TSC22D1: variants seen among roughly 807,000 people sequenced by gnomAD.
TSC22D1 encodes TSC22 domain family protein 1.
A neutral mutation model predicts 74.2 loss-of-function variants in TSC22D1; 9 were observed. The observed-to-expected ratio is 0.12, with a 90% CI of 0.07 to 0.21. The LOEUF (loss-of-function observed/expected upper bound fraction) is 0.21. Among genes scored for constraint, TSC22D1 ranks in the 10% least tolerant of loss-of-function variants. The pLI is 1.00. For missense variants in TSC22D1, 1,427 were observed against 1,304.7 expected, an observed-to-expected ratio of 1.09 and a Z score of -1.44; for synonymous variants, 586 against 492.5, an observed-to-expected ratio of 1.19 and a Z score of -2.51.
At chr13:44,561,012 G>A (rs1201858497) in intron 1 of TSC22D1, among the ~76,000 whole-genome samples, 1 of 152,078 alleles carries the variant, frequency 6.6e-6, no homozygotes, top group Non-Finnish European at 1.5e-5. Flanking sequence ...GAGACTTAAT[G>A]GAAGTCCAAA....
chr13:44,489,243 A>C (rs544364381), intron 1 of TSC22D1, among the ~76,000 whole-genome samples: 1 of 151,774 alleles, frequency 6.6e-6, no homozygotes, highest in East Asian at 1.9e-4. Context: ...TTATAGCTCT[A>C]ACTGTGAAAG....
In TSC22D1 at chr13:44,574,087, A is replaced by G; in HGVS notation, c.1988T>C (p.Leu663Pro). The G allele has an allele frequency of 6.2e-7, 1 of 1,614,232 alleles. No individual in the cohort carries two copies. Among genetic ancestry groups the G allele is most frequent in the Non-Finnish European group, 8.5e-7 (1 of 1,180,044 alleles). ...ASEYVQQQPI[L>P]QTAMSSGQPS... ...CTGTCCGGAGGACATTGCTGTTTGA[A>G]GAATTGGCTGCTGTTGTACATACTC... Residue 663 changes from leucine to proline, a missense_variant, in exon 1 of 3, where the codon CTT becomes CCT. Leu to Pro is a moderately conservative substitution (Grantham distance 98, BLOSUM62 -3). This residue lies in a region of TSC22D1 where 1,343 missense variants were observed against 1,191.5 expected (regional missense o/e 1.13). Transcript: ENST00000458659.
In TSC22D1 at chr13:44,434,824, C is replaced by T; in HGVS notation, c.3024G>A (p.Glu1008=). The T allele has an allele frequency of 6.2e-7, 1 of 1,614,024 alleles. No individual in the cohort carries two copies. Among genetic ancestry groups the T allele is most frequent in the Non-Finnish European group, 8.5e-7 (1 of 1,180,028 alleles). ...TTTTCTCTATTAGTTCTTTGATTTG[C>T]TCTTTGAGGACCTCCACTTCTTCTC... ...AVREEVEVLK[E]QIKELIEKNS... is the part of the protein sequence containing the mutation. Residue 1008 remains glutamate (E), a synonymous_variant, in exon 3 of 3, where the codon GAG becomes GAA. Transcript: ENST00000458659.
chr13:44,500,827 G>T (rs547330443), intron 1 of TSC22D1, among the ~76,000 whole-genome samples: 6 of 152,282 alleles, frequency 3.9e-5, no homozygotes, highest in Admixed American at 3.3e-4. Flanking sequence ...TGGGACTACA[G>T]ATGCACACCA....
rs750373070 is a variant in TSC22D1 at position 44,573,407 on chromosome 13, T to C, written c.2668A>G (p.Ile890Val). The C allele has an allele frequency of 6.8e-6, 11 of 1,614,250 alleles. No individual in the cohort carries two copies. The highest frequency in any genetic ancestry group is 9.3e-6 in the Non-Finnish European group (11 of 1,180,046). ...TNTNLPLAQQ[I>V]PLSSTQFSAQ... ...GAGAACTGGGTAGAACTTAGTGGTA[T>C]CTGTTGTGCCAAAGGCAAATTTGTA... The change falls in exon 1 of 3, where the codon ATA becomes GTA. Residue 890 changes from isoleucine to valine, a missense_variant. Coordinates refer to ENST00000458659, the MANE Select transcript of TSC22D1 (RefSeq NM_183422.4).
intron 1 of TSC22D1, among the ~76,000 whole-genome samples, chr13:44,514,946 C>T (rs1879907863): frequency 6.6e-6 from 1 of 151,986 alleles, no homozygotes; most frequent in African/African-American, 2.4e-5. Context: ...CAGTATTAAC[C>T]TAATAGATAA....
intron 1 of TSC22D1, among the ~76,000 whole-genome samples, chr13:44,541,230 C>T (rs1881450116): frequency 6.6e-6 from 1 of 152,156 alleles, no homozygotes; most frequent in Non-Finnish European, 1.5e-5. Flanking sequence ...GCTCTGCCAG[C>T]CAGTTTGGAA....
At chr13:44,440,993 G>A (rs1435707855) in intron 1 of TSC22D1, among the ~76,000 whole-genome samples, 1 of 152,182 alleles carries the variant, frequency 6.6e-6, no homozygotes, top group Non-Finnish European at 1.5e-5. Flanking sequence ...TCTTTACTTG[G>A]CCAAATCATC....
intron 1 of TSC22D1, chr13:44,539,695 C>T (rs1881352168): frequency 8.4e-7 from 1 of 1,183,494 alleles, no homozygotes; most frequent in Admixed American, 3.5e-5. Flanking sequence ...GAGTTTACCA[C>T]AGAATTAAAT....
intron 1 of TSC22D1, among the ~76,000 whole-genome samples, chr13:44,460,660 G>T (rs1346838795): frequency 2.0e-5 from 3 of 152,140 alleles, no homozygotes; most frequent in Non-Finnish European, 2.9e-5. Flanking sequence ...ATGGAGGGAG[G>T]CCCCATCCGC....
At chr13:44,537,036 A>T (rs976090731) in intron 1 of TSC22D1, 13 of 966,798 alleles carry the variant, frequency 1.3e-5, no homozygotes, top group African/African-American at 1.8e-5. Flanking sequence ...AAATACATTT[A>T]AAAATACTGT....
Position 44,434,442 on chromosome 13 carries a change from A to G in TSC22D1, c.*184T>C. 7.4e-7 allele frequency: 1 copy of G among 1,355,950 alleles called. No homozygotes were observed. The highest frequency in any genetic ancestry group is 9.4e-7 in the Non-Finnish European group (1 of 1,062,230). 84.0% of individuals were successfully genotyped at this position (1,355,950 alleles called of 1,614,324 possible). ...AACCTTTAATTCACCCAACTAAGAA[A>G]TTTCTCCAAGCCATAAGCATATGAG... On this transcript the variant is annotated 3_prime_UTR_variant, in exon 3 of 3. Coordinates refer to ENST00000458659, the MANE Select transcript of TSC22D1 (RefSeq NM_183422.4).
Position 44,573,405 on chromosome 13 carries a change from T to C in TSC22D1, c.2670A>G (p.Ile890Met), listed in dbSNP as rs1465129143. 1.9e-6 allele frequency: 3 copies of C among 1,614,252 alleles called. No individual in the cohort carries two copies. Among genetic ancestry groups the C allele is most frequent in the Non-Finnish European group, 1.7e-6 (2 of 1,180,052 alleles). The change falls in exon 1 of 3, where the codon ATA (isoleucine) becomes ATG (methionine). Residue 890 changes from isoleucine (I) to methionine (M), a missense_variant. Physicochemically the swap from Ile to Met is conservative, Grantham distance 10 (BLOSUM62 1). Around this residue, in one of 3 missense-constraint regions of TSC22D1, gnomAD observed 1,343 missense variants for 1,191.5 expected, o/e 1.13. Coordinates refer to ENST00000458659, the MANE Select transcript of TSC22D1 (RefSeq NM_183422.4). ...TNTNLPLAQQ[I>M]PLSSTQFSAQ... ...CGGAGAACTGGGTAGAACTTAGTGG[T>C]ATCTGTTGTGCCAAAGGCAAATTTG...
In TSC22D1 at chr13:44,434,665, G is replaced by T. The variant is rs150675770; in HGVS notation, c.3183C>A (p.Pro1061=). 1.9e-6 allele frequency: 3 copies of T among 1,596,164 alleles called. No homozygotes were observed. In the African/African-American group the frequency reaches 4.0e-5, roughly 21 times the overall value. The part of the protein sequence containing the change: ...TTQPQGTTQP[P]AQPASQGSGP... ...CTGAGCCCTGCGATGCTGGCTGGGCGGGGGGCTGTGTGGTGCCCTGTGGCT... is the reference window on the plus strand; with the variant it reads ...CTGAGCCCTGCGATGCTGGCTGGGCTGGGGGCTGTGTGGTGCCCTGTGGCT... The change falls in exon 3 of 3, where the codon CCC becomes CCA. Residue 1061 remains proline, a synonymous_variant. Coordinates refer to ENST00000458659, the MANE Select transcript of TSC22D1 (RefSeq NM_183422.4).
chr13:44,465,886 T>A (rs530261754), intron 1 of TSC22D1, among the ~76,000 whole-genome samples: 1 of 152,194 alleles, frequency 6.6e-6, no homozygotes, highest in South Asian at 2.1e-4. Flanking sequence ...AGCAGGAGAA[T>A]CGCTTGAACC....
chr13:44,567,036 A>G (rs1883420415), intron 1 of TSC22D1, among the ~76,000 whole-genome samples: 1 of 152,246 alleles, frequency 6.6e-6, no homozygotes, highest in Admixed American at 6.5e-5. Flanking sequence ...AAAAAAAGGA[A>G]TATTGTCTGA....
chr13:44,467,280 G>C (rs1177076085), intron 1 of TSC22D1, among the ~76,000 whole-genome samples: 2 of 152,224 alleles, frequency 1.3e-5, no homozygotes, highest in East Asian at 3.9e-4. Flanking sequence ...GATACCTGAC[G>C]TGAAACCATA....
chr13:44,557,149 A>G (rs539716101), intron 1 of TSC22D1, among the ~76,000 whole-genome samples: 11 of 142,578 alleles, frequency 7.7e-5, no homozygotes, highest in African/African-American at 2.3e-4. Context: ...GTCTCAAAGG[A>G]AAAAAAAAAA....
At chr13:44,549,063 A>G (rs1288291694) in intron 1 of TSC22D1, among the ~76,000 whole-genome samples, 2 of 152,172 alleles carry the variant, frequency 1.3e-5, no homozygotes, top group Non-Finnish European at 2.9e-5. Flanking sequence ...TTTATTACAG[A>G]ATAGATAATA....
Sources: allele counts gnomAD v4.1 joint callset (sites outside exome capture counted in the v4.1 genomes callset), GRCh38; gene constraint gnomAD v4.1.1; regional missense constraint gnomAD v4.1.1; transcripts MANE v1.5; gene names NCBI Gene and HGNC (gene_info 2026-07-23, HGNC 2026-07-21).